CNOT10: variants seen among roughly 807,000 people sequenced by gnomAD.
CNOT10 encodes the protein CCR4-NOT transcription complex, subunit 10.
Under a neutral mutation model 94.6 loss-of-function variants are expected in CNOT10, and 30 were observed. The observed-to-expected ratio is 0.32, with a 90% CI of 0.24 to 0.43. The LOEUF (loss-of-function observed/expected upper bound fraction) is 0.43, where lower values mean the gene tolerates loss of function less well. CNOT10 is among the 20% of genes least tolerant of loss of function. The probability of loss-of-function intolerance (pLI) is 1.00; values close to 1 mark genes in which losing one functional copy is unlikely to be tolerated. For synonymous variants in CNOT10, 289 were observed against 301.6 expected (o/e 0.96, Z 0.43); for missense variants, 759 against 877.2 (o/e 0.87, Z 1.70).
chr3:32,724,370 C>A (rs369831590), intron 8 of CNOT10, among the ~76,000 whole-genome samples: 2 of 150,894 alleles, frequency 1.3e-5, no homozygotes, highest in African/African-American at 4.9e-5. Context: ...CTCAGCCTCC[C>A]GAGTAACTGG....
At chr3:32,728,947 A>C (rs1393841345) in intron 10 of CNOT10, among the ~76,000 whole-genome samples, 1 of 152,150 alleles carries the variant, frequency 6.6e-6, no homozygotes, top group Non-Finnish European at 1.5e-5. Flanking sequence ...TAAAAATGCG[A>C]AAAATTAGCC....
chr3:32,688,215 CAA>C (rs529508238), intron 1 of CNOT10, among the ~76,000 whole-genome samples: 318 of 152,270 alleles, frequency 2.1e-3, no homozygotes, highest in African/African-American at 7.3e-3. Flanking sequence ...AGGAACAAAA[CAA>C]AGTCTCTGTT....
intron 13 of CNOT10, among the ~76,000 whole-genome samples, chr3:32,738,398 C>T (rs1388834886): frequency 6.6e-6 from 1 of 151,766 alleles, no homozygotes; most frequent in East Asian, 1.9e-4. Context: ...CTAGGATTTT[C>T]TTTGCAGGAA....
chr3:32,736,703 A>C (rs1001709146), intron 12 of CNOT10, among the ~76,000 whole-genome samples: 72 of 152,088 alleles, frequency 4.7e-4, no homozygotes, highest in Admixed American at 2.0e-4. Flanking sequence ...TGAGCCCAGG[A>C]GTTTGAAGCT....
intron 15 of CNOT10, 88 bp downstream of exon 15, chr3:32,762,951 TG>T: frequency 1.4e-6 from 2 of 1,386,786 alleles, no homozygotes; most frequent in Non-Finnish European, 1.9e-6. Context: ...TTAGGCATGG[TG>T]GTAATGAGAA....
At chr3:32,727,933 TAA>T (rs60100965) in intron 10 of CNOT10, 63 bp downstream of exon 10, 5,214 of 754,104 alleles carry the variant, frequency 6.9e-3, no homozygotes, top group South Asian at 0.011. Flanking sequence ...ATGGAATGGT[TAA>T]AAAAAAAAAA....
intron 4 of CNOT10, among the ~76,000 whole-genome samples, chr3:32,709,465 A>C (rs1342761083): frequency 6.6e-6 from 1 of 152,204 alleles, no homozygotes; most frequent in Non-Finnish European, 1.5e-5. Flanking sequence ...AACACAAATG[A>C]GAATTCCTAA....
chr3:32,756,452 A>G (rs1012662579), intron 13 of CNOT10, among the ~76,000 whole-genome samples: 4 of 152,168 alleles, frequency 2.6e-5, no homozygotes, highest in African/African-American at 9.7e-5. Flanking sequence ...TGGGTTTGAC[A>G]GTGGGCTGGA....
intron 13 of CNOT10, among the ~76,000 whole-genome samples, chr3:32,747,824 T>G (rs1034534390): frequency 2.0e-5 from 3 of 152,114 alleles, no homozygotes; most frequent in Non-Finnish European, 4.4e-5. Flanking sequence ...GGCGCGCCCA[T>G]GTAGTCCCAG....
chr3:32,723,865 G>C (rs1698531933), intron 8 of CNOT10, among the ~76,000 whole-genome samples: 1 of 152,170 alleles, frequency 6.6e-6, no homozygotes, highest in Non-Finnish European at 1.5e-5. Context: ...AGGATCACTT[G>C]ATTCCAGGAG....
At chr3:32,685,523 G>A in intron 1 of CNOT10, 41 bp downstream of exon 1, 1 of 1,548,352 alleles carries the variant, frequency 6.5e-7, no homozygotes, top group Non-Finnish European at 8.7e-7. Context: ...GGCGGGACGT[G>A]CGGGGCCGGG....
At position 32,762,836 on chromosome 3, in the gene CNOT10, G is replaced by A. The variant is rs766593568; in HGVS notation, c.1813G>A (p.Gly605Arg). 3.2e-6 allele frequency: 5 copies of A among 1,570,802 alleles called. No individual in the cohort carries two copies. The South Asian group carries it at 6.1e-5, about 19-fold the overall frequency. The change falls in exon 15 of 19, where the codon GGG becomes AGG. Residue 605 changes from glycine to arginine, a missense_variant. Physicochemically the swap from Gly to Arg is moderately radical, Grantham distance 125 (BLOSUM62 -2). Transcript: ENST00000328834. Reference protein sequence around the residue: ...NPENVTDVSLGISSNEQDQGS... With the variant: ...NPENVTDVSLRISSNEQDQGS... ...GGAGAATGTCACTGATGTCTCCTTA[G>A]GGATCTCTTCAAATGAGCAGGACCA...
chr3:32,701,621 C>T (rs1274327845), intron 1 of CNOT10, among the ~76,000 whole-genome samples: 1 of 152,098 alleles, frequency 6.6e-6, no homozygotes, highest in Non-Finnish European at 1.5e-5. Context: ...TAGCACCTCC[C>T]CCTTTGCTCT....
chr3:32,700,267 C>T (rs778119717), intron 1 of CNOT10, among the ~76,000 whole-genome samples: 5 of 152,116 alleles, frequency 3.3e-5, no homozygotes, highest in South Asian at 2.1e-4. Context: ...TGAGCCACTG[C>T]GCCCGGCCTC....
chr3:32,753,537 T>C, intron 13 of CNOT10: 1 of 1,583,000 alleles, frequency 6.3e-7, no homozygotes, highest in Non-Finnish European at 8.7e-7. Context: ...AGATTGAAAT[T>C]AAACTGAAAA....
intron 8 of CNOT10, among the ~76,000 whole-genome samples, chr3:32,720,883 T>C: frequency 8.0e-6 from 1 of 124,542 alleles, no homozygotes; most frequent in Non-Finnish European, 1.6e-5. Context: ...CTTCTTTCTT[T>C]TCCTTCTTTT....
chr3:32,718,563 G>T (rs1268718721), intron 7 of CNOT10, among the ~76,000 whole-genome samples: 42 of 103,296 alleles, frequency 4.1e-4, no homozygotes, highest in Non-Finnish European at 3.0e-4. Flanking sequence ...CAGCCTGGGC[G>T]ACAGAACAAG....
chr3:32,688,052 C>T (rs1478094231), intron 1 of CNOT10, among the ~76,000 whole-genome samples: 3 of 152,278 alleles, frequency 2.0e-5, no homozygotes, highest in East Asian at 1.9e-4. Flanking sequence ...GGTGAGTGAT[C>T]TGATCACACT....
At chr3:32,717,441 T>C (rs1043042971) in intron 7 of CNOT10, among the ~76,000 whole-genome samples, 3 of 152,218 alleles carry the variant, frequency 2.0e-5, no homozygotes, top group Non-Finnish European at 2.9e-5. Context: ...CAAGCACTTT[T>C]CTATTTTATG....
Sources: allele counts gnomAD v4.1 joint callset (sites outside exome capture counted in the v4.1 genomes callset), GRCh38; gene constraint gnomAD v4.1.1; transcripts MANE v1.5; gene names NCBI Gene and HGNC (gene_info 2026-07-23, HGNC 2026-07-21).